CHMP2A: variants seen among roughly 807,000 people sequenced by gnomAD.
The protein encoded by CHMP2A is charged multivesicular body protein 2A.
In CHMP2A, 6 loss-of-function variants were observed where a neutral mutation model predicts 21.8. That is an observed-to-expected ratio of 0.28 (90% confidence interval 0.15 to 0.54). The LOEUF (loss-of-function observed/expected upper bound fraction) is 0.54, where lower values mean the gene tolerates loss of function less well. Ranked by LOEUF, CHMP2A falls within the 20% of genes least tolerant of loss-of-function variation. CHMP2A has a pLI of 0.95. For synonymous variants in CHMP2A, 125 were observed against 107.0 expected (o/e 1.17, Z -1.04); for missense variants, 303 against 293.9 (o/e 1.03, Z -0.23).
intron 2 of CHMP2A, among the ~76,000 whole-genome samples, chr19:58,553,222 T>A (rs2053853394): frequency 6.6e-6 from 1 of 152,066 alleles, no homozygotes; most frequent in South Asian, 2.1e-4. Flanking sequence ...CATGCCCGGC[T>A]AATTTTTGGT....
chr19:58,554,134 G>A lies in CHMP2A; in HGVS notation c.79C>T (p.Arg27Trp). Residue 27 changes from arginine to tryptophan, a missense_variant, in exon 2 of 6, where the codon CGG becomes TGG. By Grantham distance (101) the Arg-to-Trp change is moderately radical. Transcript: ENST00000312547. ...TTCTGTCGCTCGCGGTCCAGCTCCC[G>A]CATGGCACGGTTCAGGGCCCTCTGG... ...QNQRALNRAM[R>W]ELDRERQKLE... The A allele has an allele frequency of 3.1e-6, 5 of 1,614,088 alleles. No individual in the cohort carries two copies. In the South Asian group the frequency reaches 4.4e-5, roughly 14 times the overall value.
Position 58,552,419 on chromosome 19 carries a change from G to A in CHMP2A, c.188C>T (p.Ala63Val). ...GCGCCGGGTGCGCACCAAGTCTTTT[G>A]CCATGATGCGAACAGCATCCTGCAG... ...QGQMDAVRIMAKDLVRTRRYV... is the reference protein window; with the variant it reads ...QGQMDAVRIMVKDLVRTRRYV... The change falls in exon 3 of 6, where the codon GCA (alanine) becomes GTA (valine). Residue 63 changes from alanine to valine, a missense_variant. By Grantham distance (64) the Ala-to-Val change is moderately conservative. Coordinates refer to ENST00000312547, the MANE Select transcript of CHMP2A (RefSeq NM_014453.4). 1.9e-6 allele frequency: 3 copies of A among 1,614,038 alleles called. No homozygotes were observed. Among genetic ancestry groups the A allele is most frequent in the Non-Finnish European group, 1.7e-6 (2 of 1,179,978 alleles).
intron 2 of CHMP2A, 61 bp downstream of exon 2, chr19:58,553,984 T>A: frequency 6.3e-7 from 1 of 1,596,352 alleles, no homozygotes. Flanking sequence ...TGGTCTCTCT[T>A]GTTCACTGCT....
chr19:58,552,515 T>G, intron 2 of CHMP2A, 77 bp from the exon 3 acceptor site: 1 of 1,446,000 alleles, frequency 6.9e-7, no homozygotes, highest in Non-Finnish European at 9.4e-7. Flanking sequence ...TAGTTGGTTG[T>G]CCCTCCCCAC....
intron 2 of CHMP2A, among the ~76,000 whole-genome samples, chr19:58,552,896 C>T (rs1419726315): frequency 3.3e-5 from 5 of 152,142 alleles, no homozygotes; most frequent in African/African-American, 1.2e-4. Flanking sequence ...ATTTCCTCTC[C>T]AAACATCTTT....
Position 58,552,059 on chromosome 19 carries a change from CCTCTT to C in CHMP2A, c.470_474del (p.Glu157GlyfsTer3). On this transcript the variant is annotated frameshift_variant, in exon 4 of 6. Transcript: ENST00000312547. LOFTEE classifies it high-confidence loss of function. ...TCCCATCCAGTTTCCCCATACCTCT[CCTCTT>C]CATCTTCCTCATCACCCATGGCATC... is the stretch of plus-strand genomic sequence containing the variant. The C allele has an allele frequency of 6.2e-7, 1 of 1,614,166 alleles. No homozygotes were observed. The highest frequency in any genetic ancestry group is 8.5e-7 in the Non-Finnish European group (1 of 1,180,006).
chr19:58,554,706 G>C, intron 1 of CHMP2A: 1 of 162,714 alleles, frequency 6.1e-6, no homozygotes, highest in Non-Finnish European at 1.3e-5. Context: ...GTGAAGCTCA[G>C]GACAAGGCAT....
intron 1 of CHMP2A, chr19:58,554,753 T>A (rs1162816133): frequency 1.3e-5 from 2 of 157,348 alleles, no homozygotes; most frequent in Non-Finnish European, 2.8e-5. Context: ...GGGAGACGGT[T>A]GGGGGCGCTG....
chr19:58,554,147 C>T lies in CHMP2A; in HGVS notation c.66G>A (p.Leu22=). ...EELLRQNQRA[L]NRAMRELDRE... ...GGTCCAGCTCCCGCATGGCACGGTT[C>T]AGGGCCCTCTGGTTCTGCCGCAGTA... Residue 22 remains leucine (L), a synonymous_variant, in exon 2 of 6, where the codon CTG becomes CTA. Coordinates refer to ENST00000312547, the MANE Select transcript of CHMP2A (RefSeq NM_014453.4). The T allele has an allele frequency of 6.2e-7, 1 of 1,614,166 alleles. No homozygotes were observed. Among genetic ancestry groups the T allele is most frequent in the Non-Finnish European group, 8.5e-7 (1 of 1,180,028 alleles).
At chr19:58,552,558 A>G in intron 2 of CHMP2A, 120 bp from the exon 3 acceptor site, 1 of 1,002,638 alleles carries the variant, frequency 1.0e-6, no homozygotes, top group South Asian at 1.6e-5. Context: ...TGAAGTTTCC[A>G]GAGACTCTGG....
intron 2 of CHMP2A, among the ~76,000 whole-genome samples, chr19:58,552,763 C>G (rs957472169): frequency 6.6e-6 from 1 of 152,208 alleles, no homozygotes; most frequent in Non-Finnish European, 1.5e-5. Flanking sequence ...TGACTTACAA[C>G]AGCCATTCCT....
Position 58,552,178 on chromosome 19 carries a change from A to C in CHMP2A, c.356T>G (p.Leu119Trp). The C allele has an allele frequency of 6.2e-7, 1 of 1,614,170 alleles. No individual in the cohort carries two copies. The highest frequency in any genetic ancestry group is 1.1e-5 in the South Asian group (1 of 91,088). ...AMGTMNRQLKLPQIQKIMMEF... is the reference protein window; with the variant it reads ...AMGTMNRQLKWPQIQKIMMEF... The stretch of plus-strand genomic sequence containing the variant: ...CATCATGATCTTCTGGATCTGGGGC[A>C]ACTTCAGCTGGAAGTGACAGGAGTG... Residue 119 changes from leucine to tryptophan, a missense_variant, in exon 4 of 6, where the codon TTG (leucine) becomes TGG (tryptophan). Leu to Trp is a moderately conservative substitution (Grantham distance 61). Transcript: ENST00000312547.
At chr19:58,553,061 C>CTTTT (rs370666092) in intron 2 of CHMP2A, among the ~76,000 whole-genome samples, 1,755 of 144,576 alleles carry the variant, frequency 0.012, 43 homozygotes, top group African/African-American at 0.041. Flanking sequence ...TTACCCTTAC[C>CTTTT]TTTTTTTTTT....
At position 58,552,390 on chromosome 19, in the gene CHMP2A, C is replaced by T; in HGVS notation, c.217G>A (p.Val73Met). ...GCCCGCATCAATACAAACTTGCGCA[C>T]ATAGCGCCGGGTGCGCACCAAGTCT... ...AKDLVRTRRY[V>M]RKFVLMRANI... The change falls in exon 3 of 6, where the codon GTG (valine) becomes ATG (methionine). Residue 73 changes from valine to methionine, a missense_variant. Transcript: ENST00000312547. 6.2e-7 allele frequency: 1 copy of T among 1,614,216 alleles called. No homozygotes were observed. The highest frequency in any genetic ancestry group is 8.5e-7 in the Non-Finnish European group (1 of 1,180,052).
In CHMP2A at chr19:58,552,325, C is replaced by A; in HGVS notation, c.282G>T (p.Lys94Asn). ...QAVSLKIQTL[K>N]SNNSMAQAMK... The stretch of plus-strand genomic sequence containing the variant: ...TGGCTTGTGCCATCGAGTTGTTGGA[C>A]TTGAGTGTCTGGATCTTGAGGGACA... Residue 94 changes from lysine (K) to asparagine (N), a missense_variant, in exon 3 of 6, where the codon AAG (lysine) becomes AAT (asparagine). Coordinates refer to ENST00000312547, the MANE Select transcript of CHMP2A (RefSeq NM_014453.4). 6.2e-7 allele frequency: 1 copy of A among 1,614,208 alleles called. No individual in the cohort carries two copies. The highest frequency in any genetic ancestry group is 8.5e-7 in the Non-Finnish European group (1 of 1,180,042).
Position 58,552,428 on chromosome 19 carries a change from C to T in CHMP2A, c.179G>A (p.Arg60His), listed in dbSNP as rs772152550. 36 of 1,613,512 alleles carry T rather than the reference C, an allele frequency of 2.2e-5. No individual in the cohort carries two copies. Among genetic ancestry groups the T allele is most frequent in the Admixed American group, 1.8e-4 (11 of 59,992 alleles). ...MAKQGQMDAV[R>H]IMAKDLVRTR... ...GCGCACCAAGTCTTTTGCCATGATG[C>T]GAACAGCATCCTGCAGAGTAGACAA... Residue 60 changes from arginine to histidine, a missense_variant, in exon 3 of 6, where the codon CGC (arginine) becomes CAC (histidine). By Grantham distance (29) the Arg-to-His change is conservative. Coordinates refer to ENST00000312547, the MANE Select transcript of CHMP2A (RefSeq NM_014453.4).
chr19:58,551,827 G>C, intron 5 of CHMP2A, 51 bp from the exon 6 acceptor site: 1 of 1,614,102 alleles, frequency 6.2e-7, no homozygotes, highest in Non-Finnish European at 8.5e-7. Context: ...GCGGAGGGGA[G>C]TAATGCAGGG....
At chr19:58,553,655 C>G (rs1397634526) in intron 2 of CHMP2A, 2 of 279,230 alleles carry the variant, frequency 7.2e-6, no homozygotes, top group African/African-American at 4.7e-5. Flanking sequence ...TTACAGGTCT[C>G]TGAGCTACTG....
chr19:58,552,244 T>A lies in CHMP2A; in HGVS notation c.348+15A>T. The stretch of plus-strand genomic sequence containing the variant: ...TGGGTCGTGGGAGTGGGAAGGGGGA[T>A]TGGGAAAAGCGCACCTGTCTGTTCA... On this transcript the variant is annotated intron_variant, in intron 3 of 5. Transcript: ENST00000312547. The A allele has an allele frequency of 6.2e-7, 1 of 1,614,056 alleles. No individual in the cohort carries two copies. The highest frequency in any genetic ancestry group is 8.5e-7 in the Non-Finnish European group (1 of 1,179,988).
Sources: allele counts gnomAD v4.1 joint callset (sites outside exome capture counted in the v4.1 genomes callset), GRCh38; gene constraint gnomAD v4.1.1; transcripts MANE v1.5; gene names NCBI Gene and HGNC (gene_info 2026-07-23, HGNC 2026-07-21).